Variants in PDE11A observed in about 807,000 individuals in gnomAD.
PDE11A encodes phosphodiesterase 11A.
Under a neutral mutation model 100.5 loss-of-function variants are expected in PDE11A, and 100 were observed. The observed-to-expected ratio is 1.00, with a 90% CI of 0.85 to 1.18. The LOEUF (loss-of-function observed/expected upper bound fraction) is 1.18. Ranked by LOEUF, PDE11A falls within the 50% of genes most tolerant of loss-of-function variation. The pLI is 0.00. For missense variants in PDE11A, 1,141 were observed against 1,152.6 expected, an observed-to-expected ratio of 0.99 and a Z score of 0.15; for synonymous variants, 381 against 420.8, an observed-to-expected ratio of 0.91 and a Z score of 1.16.
At chr2:177,959,362 C>T (rs1013487385) in intron 2 of PDE11A, among the ~76,000 whole-genome samples, 20 of 152,100 alleles carry the variant, frequency 1.3e-4, no homozygotes, top group African/African-American at 4.8e-4. Flanking sequence ...GTGCCCGTGG[C>T]AGTTTTTTAT....
chr2:177,831,131 C>A (rs2083302007), intron 6 of PDE11A, among the ~76,000 whole-genome samples: 1 of 152,156 alleles, frequency 6.6e-6, no homozygotes, highest in South Asian at 2.1e-4. Flanking sequence ...GCTAAGTCTG[C>A]TCTGTTCACC....
chr2:178,003,787 G>A (rs1297393388), intron 2 of PDE11A, among the ~76,000 whole-genome samples: 1 of 152,128 alleles, frequency 6.6e-6, no homozygotes, highest in African/African-American at 2.4e-5. Flanking sequence ...GTAATCCTAA[G>A]CATTAGTTTG....
At chr2:177,881,380 T>TATCTATCG (rs1553485646) in intron 4 of PDE11A, among the ~76,000 whole-genome samples, 8 of 149,284 alleles carry the variant, frequency 5.4e-5, no homozygotes, top group African/African-American at 2.0e-4. Context: ...TCTATCTATC[T>TATCTATCG]ATCTATCCAT....
chr2:178,095,023 A>G (rs1263007995), intron 2 of PDE11A, among the ~76,000 whole-genome samples: 1 of 152,176 alleles, frequency 6.6e-6, no homozygotes, highest in East Asian at 1.9e-4. Context: ...GGGTGGGGAC[A>G]CAGAGCCAAA....
intron 15 of PDE11A, among the ~76,000 whole-genome samples, chr2:177,689,143 C>T (rs2081002306): frequency 6.6e-6 from 1 of 152,166 alleles, no homozygotes; most frequent in East Asian, 1.9e-4. Context: ...AGTGCAATGG[C>T]GTGATCTCGG....
chr2:177,934,377 TA>T lies in PDE11A; in HGVS notation c.1072-29191del, dbSNP rs554798743. 2.6e-4 allele frequency among the ~76,000 whole-genome samples: 39 copies of T among 152,064 alleles called. No individual in the cohort carries two copies. In the South Asian group the frequency reaches 7.5e-3, roughly 29 times the overall value. On this transcript the variant is annotated intron_variant, in intron 2 of 19. Coordinates refer to ENST00000286063, the MANE Select transcript of PDE11A (RefSeq NM_016953.4). ...GACATACAAGTGGCCAAGAAACATG[TA>T]AAAAAATGCTCCACATTACTAATCA...
intron 4 of PDE11A, among the ~76,000 whole-genome samples, chr2:177,877,236 C>T (rs1191408008): frequency 6.9e-6 from 1 of 145,404 alleles, no homozygotes; most frequent in Non-Finnish European, 1.5e-5. Context: ...CCAATCTCGG[C>T]TCATTGCAGC....
chr2:177,738,479 C>G (rs182683052), intron 10 of PDE11A, among the ~76,000 whole-genome samples: 5 of 152,156 alleles, frequency 3.3e-5, no homozygotes, highest in Non-Finnish European at 5.9e-5. Context: ...ACGTAAGATA[C>G]GAATTCCCCA....
chr2:177,650,663 T>C (rs191397119), intron 19 of PDE11A, among the ~76,000 whole-genome samples: 178 of 152,338 alleles, frequency 1.2e-3, no homozygotes, highest in Non-Finnish European at 9.4e-4. Context: ...TTTTGAAAAC[T>C]TTGAGGTAAT....
At chr2:177,635,932 C>G (rs1429849165) in intron 19 of PDE11A, among the ~76,000 whole-genome samples, 1 of 151,296 alleles carries the variant, frequency 6.6e-6, no homozygotes, top group Non-Finnish European at 1.5e-5. Context: ...TGATGGAACC[C>G]AAACATTGTT....
At chr2:177,830,261 T>C (rs1178901280) in intron 6 of PDE11A, among the ~76,000 whole-genome samples, 2 of 152,160 alleles carry the variant, frequency 1.3e-5, no homozygotes, top group African/African-American at 2.4e-5. Context: ...AACCCAGCAA[T>C]GCCATGCCCA....
chr2:177,674,636 G>A (rs2080740183), intron 17 of PDE11A, among the ~76,000 whole-genome samples: 1 of 152,152 alleles, frequency 6.6e-6, no homozygotes. Context: ...TCACGGTAAT[G>A]TTTACAGGTT....
intron 5 of PDE11A, among the ~76,000 whole-genome samples, chr2:177,856,650 CAG>C (rs1198107588): frequency 6.6e-6 from 1 of 151,714 alleles, no homozygotes; most frequent in East Asian, 1.9e-4. Flanking sequence ...AGTATAGTAA[CAG>C]AAATAAAAAA....
chr2:177,878,584 C>A (rs1406439017), intron 4 of PDE11A, among the ~76,000 whole-genome samples: 1 of 152,150 alleles, frequency 6.6e-6, no homozygotes, highest in African/African-American at 2.4e-5. Flanking sequence ...TATAAACAAT[C>A]CTTTATGCAT....
intron 10 of PDE11A, among the ~76,000 whole-genome samples, chr2:177,764,095 A>C (rs886699943): frequency 6.6e-6 from 1 of 152,130 alleles, no homozygotes; most frequent in Non-Finnish European, 1.5e-5. Flanking sequence ...ATCACATCCT[A>C]TTGCTCAGTC....
intron 9 of PDE11A, among the ~76,000 whole-genome samples, chr2:177,799,906 T>A (rs1014494619): frequency 2.0e-5 from 3 of 151,996 alleles, no homozygotes; most frequent in African/African-American, 7.2e-5. Flanking sequence ...CACTGTATGA[T>A]GGTGGGGGGT....
At chr2:177,670,860 T>TG (rs1430533793) in intron 17 of PDE11A, among the ~76,000 whole-genome samples, 1 of 72,580 alleles carries the variant, frequency 1.4e-5, no homozygotes, top group East Asian at 7.1e-4. Flanking sequence ...TTAAGAAACA[T>TG]GGGCCCCTTT....
intron 5 of PDE11A, among the ~76,000 whole-genome samples, chr2:177,853,620 TC>T (rs2083754621): frequency 9.3e-6 from 1 of 107,760 alleles, no homozygotes; most frequent in Non-Finnish European, 1.8e-5. Context: ...GGGCACACCT[TC>T]CCAACAAGTC....
At chr2:178,038,168 AT>A (rs1372757853) in intron 1 of PDE11A, among the ~76,000 whole-genome samples, 1 of 152,192 alleles carries the variant, frequency 6.6e-6, no homozygotes, top group Non-Finnish European at 1.5e-5. Context: ...AACATATATG[AT>A]TTTATTAGTC....
Sources: gnomAD v4.1 joint callset for allele counts (sites outside exome capture counted in the v4.1 genomes callset) on GRCh38, gnomAD v4.1.1 for gene constraint, MANE v1.5 for transcripts, NCBI Gene and HGNC (gene_info 2026-07-23, HGNC 2026-07-21) for gene names.